The following PPP1R13B variants were observed in gnomAD, a reference collection of about 807,000 sequenced individuals.
PPP1R13B encodes the protein protein phosphatase 1 regulatory subunit 13B.
Under a neutral mutation model 119.8 loss-of-function variants are expected in PPP1R13B, and 44 were observed. That is an observed-to-expected ratio of 0.37 (90% CI 0.29 to 0.47). The LOEUF is 0.47. Among genes scored for constraint, PPP1R13B ranks in the 20% least tolerant of loss-of-function variants. The pLI, the probability that PPP1R13B is intolerant of heterozygous loss-of-function variation, is 0.99. For synonymous variants in PPP1R13B, 542 were observed against 561.5 expected (o/e 0.97, Z 0.49); for missense variants, 1,227 against 1,413.5 (o/e 0.87, Z 2.12).
chr14:103,803,773 T>C (rs1343211699), intron 1 of PPP1R13B, among the ~76,000 whole-genome samples: 1 of 152,212 alleles, frequency 6.6e-6, no homozygotes, highest in Non-Finnish European at 1.5e-5. Context: ...CAAGATGCCC[T>C]ACTTATGCCT....
chr14:103,816,399 G>A (rs1338407469), intron 1 of PPP1R13B, among the ~76,000 whole-genome samples: 3 of 150,396 alleles, frequency 2.0e-5, no homozygotes, highest in Admixed American at 1.3e-4. Flanking sequence ...CTCAGGCCAG[G>A]TTTCCGGCCA....
intron 8 of PPP1R13B, among the ~76,000 whole-genome samples, chr14:103,748,175 G>T (rs542543391): frequency 1.3e-5 from 2 of 152,066 alleles, no homozygotes; most frequent in Admixed American, 6.5e-5. Flanking sequence ...CGCCATTACT[G>T]AGGAGCATAT....
intron 4 of PPP1R13B, among the ~76,000 whole-genome samples, chr14:103,777,213 G>A (rs987923494): frequency 6.6e-6 from 1 of 151,928 alleles, no homozygotes; most frequent in Non-Finnish European, 1.5e-5. Flanking sequence ...GACTGGTCTC[G>A]AACTCCTGAC....
At chr14:103,820,000 T>C (rs2086369177) in intron 1 of PPP1R13B, among the ~76,000 whole-genome samples, 1 of 152,216 alleles carries the variant, frequency 6.6e-6, no homozygotes, top group Non-Finnish European at 1.5e-5. Context: ...CTCCTAAGCC[T>C]GCACTTATTC....
intron 1 of PPP1R13B, among the ~76,000 whole-genome samples, chr14:103,819,510 AAC>A (rs1158030287): frequency 1.3e-5 from 2 of 149,018 alleles, no homozygotes; most frequent in African/African-American, 5.0e-5. Context: ...AAAAAAAACA[AAC>A]AAACAAAAAA....
At chr14:103,836,994 T>C (rs2086793644) in intron 1 of PPP1R13B, among the ~76,000 whole-genome samples, 2 of 152,226 alleles carry the variant, frequency 1.3e-5, no homozygotes. Flanking sequence ...TTCAAGAATG[T>C]CATTGGATAG....
intron 2 of PPP1R13B, among the ~76,000 whole-genome samples, chr14:103,788,773 T>C (rs1365771062): frequency 6.6e-6 from 1 of 152,166 alleles, no homozygotes; most frequent in East Asian, 1.9e-4. Flanking sequence ...CATGAGATAT[T>C]GTAACTGAAA....
rs571414009 is a variant in PPP1R13B, at chr14:103,733,633, A to G, written c.*1521T>C. The G allele has an allele frequency of 6.5e-6, 1 of 152,864 alleles. No individual in the cohort carries two copies. Among genetic ancestry groups the G allele is most frequent in the East Asian group, 1.9e-4 (1 of 5,188 alleles). 9.5% of individuals were successfully genotyped at this position (152,864 alleles called of 1,614,324 possible). A position where few individuals can be genotyped will look rare whatever the true frequency, so the allele number is the denominator to read the frequency against. ...GATGACTGTACAGCAATTTGTATAT[A>G]AAGCTTATGATTAAAAACTATTTTG... On this transcript the variant is annotated 3_prime_UTR_variant, in exon 17 of 17. Transcript: ENST00000202556.
intron 4 of PPP1R13B, among the ~76,000 whole-genome samples, chr14:103,772,674 T>C (rs558560580): frequency 1.4e-5 from 2 of 145,082 alleles, no homozygotes; most frequent in South Asian, 2.1e-4. Context: ...TGTTTCTTTT[T>C]CTTTTTTTTT....
intron 8 of PPP1R13B, among the ~76,000 whole-genome samples, chr14:103,747,949 G>T (rs1237769308): frequency 6.6e-6 from 1 of 152,158 alleles, no homozygotes; most frequent in Admixed American, 6.5e-5. Flanking sequence ...CCTGCCTAGA[G>T]TTGGCCTTCG....
chr14:103,750,009 A>G, intron 7 of PPP1R13B, 75 bp from the exon 8 acceptor site: 1 of 1,519,690 alleles, frequency 6.6e-7, no homozygotes, highest in South Asian at 1.2e-5. Flanking sequence ...GGAGATTAAA[A>G]AAGAAAAAGT....
intron 1 of PPP1R13B, chr14:103,846,720 G>T: frequency 2.2e-6 from 1 of 456,074 alleles, no homozygotes; most frequent in Admixed American, 2.4e-5. Context: ...CACTACAAAC[G>T]AACCTCGTTC....
intron 12 of PPP1R13B, 152 bp downstream of exon 12, chr14:103,739,672 G>A: frequency 1.1e-6 from 1 of 949,116 alleles, no homozygotes; most frequent in Non-Finnish European, 1.5e-6. Flanking sequence ...CCATTTGTCT[G>A]TGTGACTGTC....
chr14:103,839,707 T>C (rs2086860698), intron 1 of PPP1R13B, among the ~76,000 whole-genome samples: 1 of 151,884 alleles, frequency 6.6e-6, no homozygotes, highest in African/African-American at 2.4e-5. Context: ...CCTACACTAC[T>C]CTCTCCATCA....
chr14:103,847,362 G>T lies in PPP1R13B; in HGVS notation c.-55C>A. ...GCCGCCTGACAGGACGCTCCGCGCC[G>T]AGCTGTGCCCACCGCTCCGGCCGCC... is the stretch of plus-strand genomic sequence containing the variant. On this transcript the variant is annotated 5_prime_UTR_variant, in exon 1 of 17. Transcript: ENST00000202556. The T allele has an allele frequency of 1.6e-5, 18 of 1,145,572 alleles. No individual in the cohort carries two copies. Among genetic ancestry groups the T allele is most frequent in the Non-Finnish European group, 2.0e-5 (18 of 922,122 alleles). 71.0% of individuals were successfully genotyped at this position (1,145,572 alleles called of 1,614,324 possible). A position where few individuals can be genotyped will look rare whatever the true frequency, so the allele number is the denominator to read the frequency against.
chr14:103,840,391 T>C (rs2086875927), intron 1 of PPP1R13B, among the ~76,000 whole-genome samples: 1 of 152,210 alleles, frequency 6.6e-6, no homozygotes, highest in Non-Finnish European at 1.5e-5. Context: ...AAACTGTTAA[T>C]CCTAAAACCG....
intron 4 of PPP1R13B, 29 bp downstream of exon 4, chr14:103,778,716 A>C: frequency 6.3e-7 from 1 of 1,589,226 alleles, no homozygotes; most frequent in Non-Finnish European, 8.6e-7. Flanking sequence ...ATCAATTTTT[A>C]AAATTCAATT....
intron 4 of PPP1R13B, among the ~76,000 whole-genome samples, chr14:103,766,660 T>C (rs781222025): frequency 1.3e-5 from 2 of 152,014 alleles, no homozygotes; most frequent in African/African-American, 2.4e-5. Context: ...CCAGCTAGAG[T>C]GCAGTGGCGC....
At chr14:103,834,003 T>C (rs928858794) in intron 1 of PPP1R13B, among the ~76,000 whole-genome samples, 33 of 152,220 alleles carry the variant, frequency 2.2e-4, no homozygotes, top group African/African-American at 8.0e-4. Flanking sequence ...GTGCCAAGGA[T>C]ACTGCAGTGG....
Sources: allele counts gnomAD v4.1 joint callset (sites outside exome capture counted in the v4.1 genomes callset), GRCh38; gene constraint gnomAD v4.1.1; transcripts MANE v1.5; gene names NCBI Gene and HGNC (gene_info 2026-07-23, HGNC 2026-07-21).